The following USP10 variants were observed in gnomAD, a reference collection of about 807,000 sequenced individuals.
USP10 encodes the protein ubiquitin carboxyl-terminal hydrolase 10.
Under a neutral mutation model 84.5 loss-of-function variants are expected in USP10, and 22 were observed. The observed-to-expected ratio is 0.26, with a 90% CI of 0.19 to 0.37. The LOEUF (loss-of-function observed/expected upper bound fraction) is 0.37. Among genes scored for constraint, USP10 ranks in the 10% least tolerant of loss-of-function variants. The probability of loss-of-function intolerance (pLI) is 1.00; values close to 1 mark genes in which losing one functional copy is unlikely to be tolerated. For missense variants in USP10, 1,019 were observed against 998.9 expected (o/e 1.02, Z -0.27); for synonymous variants, 454 against 387.6 (o/e 1.17, Z -2.01).
At chr16:84,724,841 T>A (rs1283711457) in intron 1 of USP10, among the ~76,000 whole-genome samples, 1 of 152,200 alleles carries the variant, frequency 6.6e-6, no homozygotes, top group East Asian at 1.9e-4. Flanking sequence ...CATTCACTAG[T>A]TGATGATAGT....
intron 1 of USP10, among the ~76,000 whole-genome samples, chr16:84,703,139 C>T (rs1478552021): frequency 6.6e-6 from 1 of 151,888 alleles, no homozygotes; most frequent in Non-Finnish European, 1.5e-5. Flanking sequence ...AATTTGGAAA[C>T]ATTTTGAGAC....
chr16:84,702,313 T>G (rs1467805544), intron 1 of USP10, among the ~76,000 whole-genome samples: 2 of 152,096 alleles, frequency 1.3e-5, no homozygotes, highest in Non-Finnish European at 2.9e-5. Flanking sequence ...CGCCTCGGCC[T>G]CTCAAAGTGC....
At chr16:84,769,741 C>T (rs912778503) in intron 11 of USP10, among the ~76,000 whole-genome samples, 7 of 152,106 alleles carry the variant, frequency 4.6e-5, no homozygotes, top group Admixed American at 1.3e-4. Context: ...TCAGCCTTTC[C>T]ATGGGCTGCC....
intron 1 of USP10, among the ~76,000 whole-genome samples, chr16:84,707,359 T>G (rs1210293479): frequency 6.6e-6 from 1 of 152,240 alleles, no homozygotes; most frequent in Admixed American, 6.5e-5. Flanking sequence ...TGGGGTACAT[T>G]TTAATAAAGT....
At chr16:84,769,377 T>G (rs146540165) in intron 11 of USP10, among the ~76,000 whole-genome samples, 250 of 152,328 alleles carry the variant, frequency 1.6e-3, no homozygotes, top group African/African-American at 5.7e-3. Flanking sequence ...GTAGAAGTTA[T>G]GCCTAATCTT....
At chr16:84,741,837 C>T (rs1213755141) in intron 3 of USP10, among the ~76,000 whole-genome samples, 3 of 152,202 alleles carry the variant, frequency 2.0e-5, no homozygotes, top group South Asian at 2.1e-4. Flanking sequence ...TGTCATGGAC[C>T]TGCCTCTCTT....
rs553436290 is a variant in USP10, at chr16:84,742,451, T to G, written c.151+2082T>G. On this transcript the variant is annotated intron_variant, in intron 3 of 13. Coordinates refer to ENST00000219473, the MANE Select transcript of USP10 (RefSeq NM_005153.3). ...ATGTGAACTCTCTGAGCAGGGCCCT[T>G]GTGTCACTAATCTCTGTATATTTCC... Among the ~76,000 whole-genome samples, 259 of 152,254 alleles carry G rather than the reference T, an allele frequency of 1.7e-3. 3 individuals carry two copies. Among genetic ancestry groups the G allele is most frequent in the Admixed American group, 4.1e-3 (62 of 15,300 alleles).
At chr16:84,717,975 G>T (rs997054449) in intron 1 of USP10, among the ~76,000 whole-genome samples, 3 of 152,136 alleles carry the variant, frequency 2.0e-5, no homozygotes, top group African/African-American at 7.2e-5. Context: ...GATGGAAAGG[G>T]TATATAATTT....
chr16:84,745,989 T>A (rs1373170237), intron 4 of USP10, among the ~76,000 whole-genome samples: 1 of 152,250 alleles, frequency 6.6e-6, no homozygotes, highest in Non-Finnish European at 1.5e-5. Flanking sequence ...TATAATGGAC[T>A]TTTTCTGTGA....
intron 8 of USP10, among the ~76,000 whole-genome samples, chr16:84,761,486 C>G (rs774571157): frequency 3.9e-5 from 6 of 152,334 alleles, no homozygotes; most frequent in Non-Finnish European, 7.3e-5. Context: ...AGGGAAAGGA[C>G]AGGTGAGGCA....
intron 1 of USP10, among the ~76,000 whole-genome samples, chr16:84,706,010 C>G (rs1312290566): frequency 6.6e-6 from 1 of 152,172 alleles, no homozygotes; most frequent in African/African-American, 2.4e-5. Flanking sequence ...GCATGAGCCA[C>G]TGCCCCCAGC....
intron 1 of USP10, among the ~76,000 whole-genome samples, chr16:84,725,563 G>A (rs1311059162): frequency 6.6e-6 from 1 of 151,976 alleles, no homozygotes; most frequent in African/African-American, 2.4e-5. Flanking sequence ...ACCATGCCCG[G>A]CTAATTTTTT....
At chr16:84,770,498 C>T (rs184798237) in intron 11 of USP10, among the ~76,000 whole-genome samples, 8 of 152,126 alleles carry the variant, frequency 5.3e-5, no homozygotes, top group East Asian at 1.9e-4. Flanking sequence ...GTTGGCTGGG[C>T]GAGGTGGCTC....
chr16:84,727,459 AAAACAAAC>A (rs138251432), intron 1 of USP10, among the ~76,000 whole-genome samples: 1,637 of 148,436 alleles, frequency 0.011, 22 homozygotes, highest in African/African-American at 0.031. Context: ...TAGCTTTAAA[AAAACAAAC>A]AAACAAACAA....
At chr16:84,726,693 C>CA (rs1908526343) in intron 1 of USP10, among the ~76,000 whole-genome samples, 1 of 152,148 alleles carries the variant, frequency 6.6e-6, no homozygotes, top group Admixed American at 6.5e-5. Context: ...TTTGAAAGCC[C>CA]GGGATGGAGG....
At chr16:84,733,409 TC>T in intron 1 of USP10, 25 bp from the exon 2 acceptor site, 3 of 1,524,796 alleles carry the variant, frequency 2.0e-6, no homozygotes, top group Non-Finnish European at 2.7e-6. Context: ...TTTTATGTGA[TC>T]AGTGACTCTC....
chr16:84,771,558 C>G (rs1914454327), intron 11 of USP10, among the ~76,000 whole-genome samples: 1 of 152,108 alleles, frequency 6.6e-6, no homozygotes, highest in African/African-American at 2.4e-5. Context: ...TCAATACTAT[C>G]AGAGTTATTT....
intron 1 of USP10, among the ~76,000 whole-genome samples, chr16:84,705,606 C>T (rs1968266): frequency 0.28 from 42,669 of 151,680 alleles, 7,481 homozygotes; most frequent in Non-Finnish European, 0.41. Context: ...TTCTTTCTTC[C>T]TGATCTGATG....
At chr16:84,763,961 CG>C (rs1913519869) in intron 9 of USP10, 124 bp from the exon 10 acceptor site, 1 of 1,229,492 alleles carries the variant, frequency 8.1e-7, no homozygotes, top group Non-Finnish European at 1.1e-6. Flanking sequence ...GATTGGTTGC[CG>C]TGGCTCCTAA....
Sources: gnomAD v4.1 joint callset for allele counts (sites outside exome capture counted in the v4.1 genomes callset) on GRCh38, gnomAD v4.1.1 for gene constraint, MANE v1.5 for transcripts, NCBI Gene and HGNC (gene_info 2026-07-23, HGNC 2026-07-21) for gene names.